The following IQCE variants were observed in gnomAD, a reference collection of about 807,000 sequenced individuals.
IQCE encodes the protein IQ motif containing E.
A neutral mutation model predicts 96.0 loss-of-function variants in IQCE; 115 were observed. The ratio of observed to expected loss-of-function variants is 1.20; its 90% CI spans 1.03 to 1.40. IQCE has a LOEUF of 1.40. Ranked by LOEUF, IQCE falls within the 40% of genes most tolerant of loss-of-function variation. The probability of loss-of-function intolerance (pLI) is 0.00; values close to 1 mark genes in which losing one functional copy is unlikely to be tolerated. For missense variants in IQCE, 1,041 were observed against 909.1 expected (o/e 1.15, Z -1.87); for synonymous variants, 412 against 371.2 (o/e 1.11, Z -1.26).
At chr7:2,568,565 T>C (rs1781543311) in intron 2 of IQCE, among the ~76,000 whole-genome samples, 1 of 152,156 alleles carries the variant, frequency 6.6e-6, no homozygotes, top group Non-Finnish European at 1.5e-5. Flanking sequence ...GCAGTTGACT[T>C]ATGTGCAGGG....
intron 6 of IQCE, among the ~76,000 whole-genome samples, 155 bp from the exon 7 acceptor site, chr7:2,578,087 G>A (rs1252675328): frequency 6.7e-6 from 1 of 149,630 alleles, no homozygotes; most frequent in African/African-American, 2.5e-5. Context: ...ACGTGTGTGC[G>A]GCGTGCGCGC....
At chr7:2,587,694 G>A (rs1473412713) in intron 12 of IQCE, 128 bp from the exon 13 acceptor site, 11 of 876,546 alleles carry the variant, frequency 1.3e-5, no homozygotes, top group East Asian at 2.5e-5. Context: ...AGGACCTGTC[G>A]GTGTGGCTCT....
chr7:2,586,907 G>A (rs1783164849), intron 12 of IQCE, among the ~76,000 whole-genome samples: 1 of 152,218 alleles, frequency 6.6e-6, no homozygotes, highest in Non-Finnish European at 1.5e-5. Flanking sequence ...GGGGTGCTGT[G>A]GGAGTGTTAG....
intron 3 of IQCE, among the ~76,000 whole-genome samples, chr7:2,571,103 G>A (rs1054141788): frequency 6.6e-6 from 1 of 151,912 alleles, no homozygotes; most frequent in Non-Finnish European, 1.5e-5. Flanking sequence ...CTGTAGCCTC[G>A]ACCTCCTGGG....
chr7:2,596,677 C>G (rs1784065493), intron 16 of IQCE, among the ~76,000 whole-genome samples: 1 of 152,148 alleles, frequency 6.6e-6, no homozygotes, highest in African/African-American at 2.4e-5. Flanking sequence ...TTTTAGCTGT[C>G]TGTAGTTGTG....
intron 6 of IQCE, among the ~76,000 whole-genome samples, chr7:2,574,881 T>C (rs1214189021): frequency 6.6e-6 from 1 of 152,198 alleles, no homozygotes. Context: ...CGTTGTTTGT[T>C]GGGTGTAACC....
At chr7:2,588,733 C>T (rs991710721) in intron 13 of IQCE, among the ~76,000 whole-genome samples, 4 of 128,054 alleles carry the variant, frequency 3.1e-5, no homozygotes, top group Admixed American at 2.9e-4. Context: ...GGCGTAATCT[C>T]GGCTCACTGC....
intron 18 of IQCE, among the ~76,000 whole-genome samples, chr7:2,603,787 A>G (rs977565729): frequency 6.6e-6 from 1 of 151,308 alleles, no homozygotes; most frequent in Non-Finnish European, 1.5e-5. Context: ...AAGACAAAAC[A>G]AAGGTGCTTT....
rs533322432 is a variant in IQCE at position 2,564,975 on chromosome 7, C to G, written c.37-2141C>G. On this transcript the variant is annotated intron_variant, in intron 1 of 21. Coordinates refer to ENST00000402050, the MANE Select transcript of IQCE (RefSeq NM_152558.5). ...AACCACCCCATTTCTTCTGTTACAA[C>G]CACCCTGACACAGGCTGATTGAGCT... Among the ~76,000 whole-genome samples, 44 of 152,332 alleles carry G rather than the reference C, an allele frequency of 2.9e-4. No homozygotes were observed. The East Asian group carries it at 5.4e-3, about 19-fold the overall frequency.
chr7:2,570,983 T>C (rs1179092003), intron 3 of IQCE, among the ~76,000 whole-genome samples: 1 of 152,150 alleles, frequency 6.6e-6, no homozygotes, highest in Non-Finnish European at 1.5e-5. Flanking sequence ...CTATAATAAA[T>C]GTTGGTAGAA....
rs1438140709 is a variant in IQCE, at chr7:2,578,531, G to A, written c.630+5G>A. ...AAAAGGCCCGATGCCAGTTGGGTGA[G>A]TATGGTGTGTGCAGGACAGAGCCTT... On this transcript the variant is annotated splice_donor_5th_base_variant and intron_variant, in intron 8 of 21. Coordinates refer to ENST00000402050, the MANE Select transcript of IQCE (RefSeq NM_152558.5). 6.2e-7 allele frequency: 1 copy of A among 1,614,100 alleles called. No individual in the cohort carries two copies. Among genetic ancestry groups the A allele is most frequent in the South Asian group, 1.1e-5 (1 of 91,088 alleles).
At position 2,590,056 on chromosome 7, in the gene IQCE, A is replaced by C. The variant is rs1405602993; in HGVS notation, c.1194A>C (p.Arg398Ser). The C allele has an allele frequency of 5.6e-6, 9 of 1,613,470 alleles. No homozygotes were observed. The South Asian group carries it at 9.9e-5, about 18-fold the overall frequency. The change falls in exon 14 of 22, where the codon AGA becomes AGC. Residue 398 changes from arginine to serine, a missense_variant. Transcript: ENST00000402050. ...KDHERLRGAV[R>S]DLKEERTALQ... ...ACGAGCGTCTCCGAGGGGCTGTGAG[A>C]GACCTGAAGGAAGAGCGGACCGCGC...
Position 2,586,236 on chromosome 7 carries a change from A to T in IQCE, c.853A>T (p.Lys285Ter). 6.2e-7 allele frequency: 1 copy of T among 1,613,814 alleles called. No homozygotes were observed. The highest frequency in any genetic ancestry group is 8.5e-7 in the Non-Finnish European group (1 of 1,179,896). Residue 285 changes from lysine to a stop codon, truncating the protein, a stop_gained, in exon 12 of 22, where the codon AAA (lysine) becomes TAA (stop). Transcript: ENST00000402050. LOFTEE classifies it high-confidence loss of function. Reference sequence around the variant, plus strand: ...CCTGGGGGAGAAGAAGACGGGCGCCAAAAGGCAGAAGAAGATGGGCAGTGC... The same window carrying T: ...CCTGGGGGAGAAGAAGACGGGCGCCTAAAGGCAGAAGAAGATGGGCAGTGC... ...KPLGEKKTGA[K>*]RQKKMGSALL...
intron 13 of IQCE, among the ~76,000 whole-genome samples, chr7:2,588,250 A>C (rs1368185103): frequency 6.6e-6 from 1 of 152,258 alleles, no homozygotes; most frequent in Non-Finnish European, 1.5e-5. Flanking sequence ...GGCCAGGCAG[A>C]AATGTCGGGA....
At chr7:2,598,708 A>G in intron 17 of IQCE, 76 bp downstream of exon 17, 1 of 1,341,740 alleles carries the variant, frequency 7.5e-7, no homozygotes, top group Non-Finnish European at 9.8e-7. Flanking sequence ...ACTCTCCAGG[A>G]ATGACTGGGC....
chr7:2,590,924 G>C (rs111996018), intron 14 of IQCE, among the ~76,000 whole-genome samples: 1 of 151,980 alleles, frequency 6.6e-6, no homozygotes, highest in Non-Finnish European at 1.5e-5. Context: ...ATATGTTTAT[G>C]GGGGATATGA....
rs3735112 is a variant in IQCE at position 2,611,787 on chromosome 7, G to C, written c.*1625G>C. On this transcript the variant is annotated 3_prime_UTR_variant, in exon 22 of 22. Transcript: ENST00000402050. ...GTGGGTGGAAGCGAGTCAGCGGGGG[G>C]CCTGGCTTGTGTACGTGTTTTCCTT... is the stretch of plus-strand genomic sequence containing the variant. 42,944 of 152,228 alleles carry C rather than the reference G, an allele frequency of 0.28. 6,553 individuals carry two copies. Among genetic ancestry groups the C allele is most frequent in the East Asian group, 0.45 (2,336 of 5,174 alleles). The allele number at this position is 152,228 out of a possible 1,614,324, so 9.4% of individuals were successfully genotyped here.
At chr7:2,597,197 G>C (rs1784108189) in intron 16 of IQCE, 1 of 459,932 alleles carries the variant, frequency 2.2e-6, no homozygotes. Context: ...CAGGATCTGG[G>C]CCACAGGGTG....
In IQCE at chr7:2,598,560, C is replaced by T. The variant is rs2128466615; in HGVS notation, c.1536C>T (p.Ser512=). The T allele has an allele frequency of 6.2e-7, 1 of 1,610,944 alleles. No homozygotes were observed. Among genetic ancestry groups the T allele is most frequent in the Non-Finnish European group, 8.5e-7 (1 of 1,178,736 alleles). The part of the protein sequence containing the change: ...SSEEGLPRPR[S]PCSDGRRDAA... Reference sequence around the variant, plus strand: ...AGGAGGGGCTCCCGCGGCCCCGCTCCCCCTGCTCTGATGGGAGAAGAGACG... The same window carrying T: ...AGGAGGGGCTCCCGCGGCCCCGCTCTCCCTGCTCTGATGGGAGAAGAGACG... Residue 512 remains serine, a synonymous_variant, in exon 17 of 22, where the codon TCC becomes TCT. Transcript: ENST00000402050.
Sources: gnomAD v4.1 joint callset for allele counts (sites outside exome capture counted in the v4.1 genomes callset) on GRCh38, gnomAD v4.1.1 for gene constraint, MANE v1.5 for transcripts, NCBI Gene and HGNC (gene_info 2026-07-23, HGNC 2026-07-21) for gene names.